Variants in ARB2A observed in about 807,000 individuals in gnomAD.
ARB2A encodes cotranscriptional regulator ARB2A.
the ARB2A span, among the ~76,000 whole-genome samples, chr5:93,945,372 G>A: frequency 1.4e-5 from 2 of 147,306 alleles, no homozygotes; most frequent in Non-Finnish European, 1.5e-5. Flanking sequence ...CTGAGATTGC[G>A]CCACTGCACT....
chr5:93,699,322 G>A, the ARB2A span, among the ~76,000 whole-genome samples: 4 of 152,250 alleles, frequency 2.6e-5, no homozygotes, highest in Middle Eastern at 3.4e-3. Flanking sequence ...GGTAAGGCTT[G>A]GTACAGACTA....
the ARB2A span, among the ~76,000 whole-genome samples, chr5:94,098,143 A>G: frequency 1.3e-5 from 2 of 152,146 alleles, no homozygotes; most frequent in East Asian, 3.9e-4. Context: ...CTTAAAGAAC[A>G]GTCAAACCCT....
chr5:94,104,556 C>G, the ARB2A span, among the ~76,000 whole-genome samples: 1 of 151,908 alleles, frequency 6.6e-6, no homozygotes, highest in South Asian at 2.1e-4. Context: ...GATAGATTGA[C>G]AGCCAAATTC....
the ARB2A span, among the ~76,000 whole-genome samples, chr5:93,997,643 T>C: frequency 3.7e-4 from 57 of 152,118 alleles, no homozygotes; most frequent in African/African-American, 1.3e-3. Flanking sequence ...GTTATGGCTG[T>C]GTAAGGAGTT....
chr5:93,769,535 T>G, the ARB2A span, among the ~76,000 whole-genome samples: 3 of 152,276 alleles, frequency 2.0e-5, no homozygotes, highest in Admixed American at 2.0e-4. Context: ...GGGAAAGCAT[T>G]AAGTCAGGCT....
the ARB2A span, among the ~76,000 whole-genome samples, chr5:93,781,148 T>C: frequency 2.0e-5 from 3 of 152,254 alleles, no homozygotes; most frequent in African/African-American, 7.2e-5. Context: ...ATAGGTAAGT[T>C]CTCATCCTTC....
the ARB2A span, chr5:93,740,437 C>A: frequency 2.2e-6 from 2 of 898,482 alleles, no homozygotes; most frequent in Non-Finnish European, 3.3e-6. Context: ...CCCCCATTCC[C>A]TACTATGTAT....
the ARB2A span, among the ~76,000 whole-genome samples, chr5:93,988,175 T>G: frequency 8.5e-5 from 13 of 152,298 alleles, no homozygotes; most frequent in Middle Eastern, 3.4e-3. Context: ...TTCTGTAATC[T>G]CCTAACAAAT....
the ARB2A span, among the ~76,000 whole-genome samples, chr5:94,015,892 T>G: frequency 6.6e-6 from 1 of 151,974 alleles, no homozygotes; most frequent in African/African-American, 2.4e-5. Context: ...CAAGAGAGGA[T>G]TTGCAAAACA....
chr5:93,755,514 C>T, the ARB2A span, among the ~76,000 whole-genome samples: 4 of 152,172 alleles, frequency 2.6e-5, no homozygotes, highest in African/African-American at 7.2e-5. Context: ...CAGACATAAG[C>T]GGACTGCTCC....
chr5:93,626,719 T>C, the ARB2A span, among the ~76,000 whole-genome samples: 62 of 152,360 alleles, frequency 4.1e-4, no homozygotes, highest in Non-Finnish European at 8.7e-4. Flanking sequence ...TCTGAGTTTT[T>C]AGCAAGTTGC....
the ARB2A span, among the ~76,000 whole-genome samples, chr5:93,814,344 T>G: frequency 1.3e-5 from 2 of 152,148 alleles, no homozygotes; most frequent in South Asian, 2.1e-4. Flanking sequence ...AAAAGAATTC[T>G]AAGGTTGCAT....
At chr5:93,846,000 GACACACACACAC>G in the ARB2A span, among the ~76,000 whole-genome samples, 64 of 146,768 alleles carry the variant, frequency 4.4e-4, no homozygotes, top group South Asian at 9.9e-3. Context: ...CTCTCTCTGT[GACACACACACAC>G]ACACACACAC....
the ARB2A span, among the ~76,000 whole-genome samples, chr5:93,916,297 G>C: frequency 6.6e-6 from 1 of 151,978 alleles, no homozygotes; most frequent in African/African-American, 2.4e-5. Context: ...GTGAGAAACA[G>C]AAACTAAGAA....
chr5:93,852,958 T>C, the ARB2A span, among the ~76,000 whole-genome samples: 25 of 152,220 alleles, frequency 1.6e-4, no homozygotes, highest in Admixed American at 6.5e-5. Context: ...TGGTTCCATA[T>C]GAACTTTAAA....
At chr5:93,921,775 T>A in the ARB2A span, among the ~76,000 whole-genome samples, 2 of 152,204 alleles carry the variant, frequency 1.3e-5, no homozygotes, top group Non-Finnish European at 2.9e-5. Context: ...GCCGCCTGTT[T>A]TTTGGTTGTA....
the ARB2A span, among the ~76,000 whole-genome samples, chr5:94,101,177 T>C: frequency 1.3e-5 from 2 of 152,216 alleles, no homozygotes; most frequent in East Asian, 1.9e-4. Flanking sequence ...AAGACATACA[T>C]GTGGCCAAGA....
chr5:94,108,190 C>T, the ARB2A span, among the ~76,000 whole-genome samples: 48 of 152,128 alleles, frequency 3.2e-4, 1 homozygote, highest in East Asian at 7.4e-3. Context: ...TTCTGGTCCC[C>T]GCTCTTCTCA....
At chr5:93,809,384 T>G in the ARB2A span, among the ~76,000 whole-genome samples, 1 of 151,988 alleles carries the variant, frequency 6.6e-6, no homozygotes, top group Non-Finnish European at 1.5e-5. Context: ...CCTAAAAGAT[T>G]GAAAAATAAA....
Sources: allele counts gnomAD v4.1 joint callset (sites outside exome capture counted in the v4.1 genomes callset), GRCh38; gene constraint gnomAD v4.1.1; transcripts MANE v1.5; gene names NCBI Gene and HGNC (gene_info 2026-07-23, HGNC 2026-07-21).